Variants in PCDHA6 observed in about 807,000 individuals in gnomAD.
PCDHA6 encodes the protein protocadherin alpha-6.
In PCDHA6, 55 loss-of-function variants were observed where a neutral mutation model predicts 60.3. The ratio of observed to expected loss-of-function variants is 0.91; its 90% CI spans 0.73 to 1.14. The LOEUF (loss-of-function observed/expected upper bound fraction) is 1.14, where lower values mean the gene tolerates loss of function less well. PCDHA6 is among the 50% of genes most tolerant of loss of function. The probability of loss-of-function intolerance (pLI) is 0.00; values close to 1 mark genes in which losing one functional copy is unlikely to be tolerated. For synonymous variants in PCDHA6, 652 were observed against 557.9 expected, an observed-to-expected ratio of 1.17 and a Z score of -2.38; for missense variants, 1,327 against 1,256.5, an observed-to-expected ratio of 1.06 and a Z score of -0.85.
At position 140,850,667 on chromosome 5, in the gene PCDHA6, G is replaced by C. The variant is rs2150492921; in HGVS notation, c.2394+20182G>C. Reference sequence around the variant, plus strand: ...TGCTGTACACTGTGCTGCGGTGCTCGGCGATGCCCACCGAGGGCGAGTGCG... The same window carrying C: ...TGCTGTACACTGTGCTGCGGTGCTCCGCGATGCCCACCGAGGGCGAGTGCG... On this transcript the variant is annotated intron_variant, in intron 1 of 3. Transcript: ENST00000529310. 10 of 1,598,386 alleles carry C rather than the reference G, an allele frequency of 6.3e-6. No homozygotes were observed. The East Asian group carries it at 1.3e-4, about 21-fold the overall frequency.
rs143298646 is a variant in PCDHA6 at position 140,846,200 on chromosome 5, T to A, written c.2394+15715T>A. ...TAGGCGTTTGAGTTCTTTGTATGTA[T>A]GAGATCTTTCCATTAATAGTATTTT... On this transcript the variant is annotated intron_variant, in intron 1 of 3. Coordinates refer to ENST00000529310, the MANE Select transcript of PCDHA6 (RefSeq NM_018909.4). Among the ~76,000 whole-genome samples, 321 of 149,672 alleles carry A rather than the reference T, an allele frequency of 2.1e-3. 23 individuals carry two copies. The highest frequency in any genetic ancestry group is 7.4e-3 in the African/African-American group (305 of 40,998).
intron 3 of PCDHA6, among the ~76,000 whole-genome samples, chr5:140,998,827 G>T (rs2097835809): frequency 6.6e-6 from 1 of 152,226 alleles, no homozygotes; most frequent in South Asian, 2.1e-4. Context: ...GCCTCCCAAA[G>T]TGCTGGATTA....
rs1318602549 is a variant in PCDHA6, at chr5:140,842,870, G to T, written c.2394+12385G>T. On this transcript the variant is annotated intron_variant, in intron 1 of 3. Coordinates refer to ENST00000529310, the MANE Select transcript of PCDHA6 (RefSeq NM_018909.4). ...TTCGGTGCACACGGAGAGCGGCAAG[G>T]TGTACGCGCTGCAGCCGCTGGACCA... 4.4e-6 allele frequency: 7 copies of T among 1,593,934 alleles called. 1 individual carries two copies. Among genetic ancestry groups the T allele is most frequent in the Non-Finnish European group, 6.0e-6 (7 of 1,165,422 alleles).
At chr5:140,996,308 A>G (rs997099218) in intron 3 of PCDHA6, among the ~76,000 whole-genome samples, 4 of 152,240 alleles carry the variant, frequency 2.6e-5, no homozygotes, top group African/African-American at 9.6e-5. Flanking sequence ...GTAACAAAGT[A>G]AGGGGGGAGG....
chr5:140,876,618 T>C (rs781928314), intron 1 of PCDHA6: 7 of 1,614,074 alleles, frequency 4.3e-6, no homozygotes, highest in African/African-American at 1.3e-5. Flanking sequence ...CTGGAGCCAA[T>C]GGACAGGTCA....
chr5:140,965,374 G>A (rs1554227648), intron 1 of PCDHA6, among the ~76,000 whole-genome samples: 1 of 152,098 alleles, frequency 6.6e-6, no homozygotes, highest in Admixed American at 6.6e-5. Flanking sequence ...AGGAAACTTG[G>A]GGACACAGAA....
intron 1 of PCDHA6, chr5:140,882,163 GC>G: frequency 6.6e-7 from 1 of 1,509,690 alleles, no homozygotes; most frequent in Non-Finnish European, 8.9e-7. Flanking sequence ...AATACCTCTT[GC>G]GAATCCTTCC....
intron 1 of PCDHA6, among the ~76,000 whole-genome samples, chr5:140,971,037 TA>T (rs2096453416): frequency 1.3e-5 from 2 of 152,200 alleles, no homozygotes; most frequent in Admixed American, 6.5e-5. Context: ...TGAAAGCACG[TA>T]AAAGGGTTTA....
At chr5:140,942,445 A>G (rs1323056710) in intron 1 of PCDHA6, among the ~76,000 whole-genome samples, 5 of 152,016 alleles carry the variant, frequency 3.3e-5, no homozygotes, top group Non-Finnish European at 7.4e-5. Context: ...AAACAAGTAA[A>G]CTATCAATTA....
In PCDHA6 at chr5:140,843,394, G is replaced by T. The variant is rs2150359132; in HGVS notation, c.2394+12909G>T. ...CGGCTGGCGTTTTGGGTCCGGAAGC[G>T]GCGCTGGTGGATGTCAACGTGTACC... is the stretch of plus-strand genomic sequence containing the variant. On this transcript the variant is annotated intron_variant, in intron 1 of 3. Transcript: ENST00000529310. 3 of 1,596,026 alleles carry T rather than the reference G, an allele frequency of 1.9e-6. No individual in the cohort carries two copies. The East Asian group carries it at 6.7e-5, about 36-fold the overall frequency.
rs1554262618 is a variant in PCDHA6, at chr5:141,009,958, C to T, written c.*21C>T. On this transcript the variant is annotated 3_prime_UTR_variant, in exon 4 of 4. Transcript: ENST00000529310. The stretch of plus-strand genomic sequence containing the variant: ...AGTGAGGTCCTCAAATGGAAACAAG[C>T]CACTTAGCCAGTTTTTGTAATAATG... 1.3e-6 allele frequency: 2 copies of T among 1,589,012 alleles called. No homozygotes were observed. The highest frequency in any genetic ancestry group is 1.7e-6 in the Non-Finnish European group (2 of 1,171,000).
At position 140,883,630 on chromosome 5, in the gene PCDHA6, G is replaced by A. The variant is rs1424400219; in HGVS notation, c.2394+53145G>A. Reference sequence around the variant, plus strand: ...CCGACGTGAACGACAACGCGCCGGCGTTCGCGCAGCCCGAGTACACGGTGT... The same window carrying A: ...CCGACGTGAACGACAACGCGCCGGCATTCGCGCAGCCCGAGTACACGGTGT... On this transcript the variant is annotated intron_variant, in intron 1 of 3. Coordinates refer to ENST00000529310, the MANE Select transcript of PCDHA6 (RefSeq NM_018909.4). 3 of 1,613,848 alleles carry A rather than the reference G, an allele frequency of 1.9e-6. No individual in the cohort carries two copies. In the African/African-American group the frequency reaches 4.0e-5, roughly 22 times the overall value.
chr5:140,909,996 T>G (rs549464312), intron 1 of PCDHA6, among the ~76,000 whole-genome samples: 5 of 152,310 alleles, frequency 3.3e-5, no homozygotes, highest in African/African-American at 1.2e-4. Context: ...ACAGCATAAA[T>G]TGTTGTCAGT....
chr5:140,856,156 G>A, intron 1 of PCDHA6: 1 of 1,598,364 alleles, frequency 6.3e-7, no homozygotes, highest in Non-Finnish European at 8.6e-7. Context: ...CAGTCTACGA[G>A]GAGGCCAGAC....
chr5:140,980,085 T>C (rs1294414077), intron 2 of PCDHA6, among the ~76,000 whole-genome samples: 1 of 152,242 alleles, frequency 6.6e-6, no homozygotes, highest in Non-Finnish European at 1.5e-5. Context: ...AGATTAGTAG[T>C]TGGCTTGGTA....
Position 140,842,679 on chromosome 5 carries a change from C to T in PCDHA6, c.2394+12194C>T, listed in dbSNP as rs2150341829. 264 of 1,595,330 alleles carry T rather than the reference C, an allele frequency of 1.7e-4. 16 individuals are homozygous for T. The South Asian group carries it at 1.9e-3, about 12-fold the overall frequency. ...GTGGCCGACGTGAACGACAATGCTCCGGCGTTCGCGCAGCCCGAGTACACG... is the reference window on the plus strand; with the variant it reads ...GTGGCCGACGTGAACGACAATGCTCTGGCGTTCGCGCAGCCCGAGTACACG... On this transcript the variant is annotated intron_variant, in intron 1 of 3. Coordinates refer to ENST00000529310, the MANE Select transcript of PCDHA6 (RefSeq NM_018909.4).
Position 140,857,571 on chromosome 5 carries a change from C to G in PCDHA6, c.2394+27086C>G, listed in dbSNP as rs782707848. 16 of 1,596,746 alleles carry G rather than the reference C, an allele frequency of 1.0e-5. 2 individuals are homozygous for G. Among genetic ancestry groups the G allele is most frequent in the East Asian group, 2.2e-5 (1 of 44,820 alleles). ...GAGCGCTCGCTGTCGAGCTACGTGT[C>G]GGTGCACGCGGAGAGCGGCAAGGTG... On this transcript the variant is annotated intron_variant, in intron 1 of 3. Transcript: ENST00000529310.
chr5:140,946,165 G>C (rs1554217364), intron 1 of PCDHA6, among the ~76,000 whole-genome samples: 1 of 151,838 alleles, frequency 6.6e-6, no homozygotes, highest in Non-Finnish European at 1.5e-5. Context: ...TTAAAAGATG[G>C]GTAAAGGATG....
intron 1 of PCDHA6, chr5:140,852,582 A>ATTTT (rs527656692): frequency 1.2e-5 from 8 of 693,586 alleles, no homozygotes; most frequent in Non-Finnish European, 1.4e-5. Flanking sequence ...AGGCTTTTTT[A>ATTTT]TTTTTTTTTT....
Sources: gnomAD v4.1 joint callset for allele counts (sites outside exome capture counted in the v4.1 genomes callset) on GRCh38, gnomAD v4.1.1 for gene constraint, MANE v1.5 for transcripts, NCBI Gene and HGNC (gene_info 2026-07-23, HGNC 2026-07-21) for gene names.